MAPK8IP3: variants seen among roughly 807,000 people sequenced by gnomAD.
MAPK8IP3 encodes the protein C-Jun-amino-terminal kinase-interacting protein 3.
MAPK8IP3 carries 49 observed loss-of-function variants against 157.8 expected under a neutral mutation model. That is an observed-to-expected ratio of 0.31 (90% confidence interval 0.25 to 0.39). The LOEUF (loss-of-function observed/expected upper bound fraction) is 0.39, where lower values mean the gene tolerates loss of function less well. Ranked by LOEUF, MAPK8IP3 falls within the 10% of genes least tolerant of loss-of-function variation. The pLI is 1.00. For missense variants in MAPK8IP3, 1,478 were observed against 1,889.4 expected (o/e 0.78, Z 4.04); for synonymous variants, 897 against 777.7 (o/e 1.15, Z -2.55).
At position 1,768,606 on chromosome 16, in the gene MAPK8IP3, G is replaced by A; in HGVS notation, c.3872G>A (p.Gly1291Asp). The A allele has an allele frequency of 1.9e-6, 3 of 1,594,470 alleles. No homozygotes were observed. Among genetic ancestry groups the A allele is most frequent in the Non-Finnish European group, 2.6e-6 (3 of 1,170,492 alleles). Residue 1291 changes from glycine to aspartate, a missense_variant, in exon 31 of 32, where the codon GGC (glycine) becomes GAC (aspartate). By Grantham distance (94) the Gly-to-Asp change is moderately conservative. This residue lies in a region of MAPK8IP3 where 133 missense variants were observed against 133.4 expected (regional missense o/e 1.00). Coordinates refer to ENST00000610761, the MANE Select transcript of MAPK8IP3 (RefSeq NM_001318852.2). ...RNVLVLSGGEGYIDFRIGDGE... is the reference protein window; with the variant it reads ...RNVLVLSGGEDYIDFRIGDGE... ...GTGCTGGTGCTGAGCGGCGGGGAGG[G>A]CTACATCGACTTCCGCATTGGTGAG...
At chr16:1,728,710 G>A (rs2039075874) in intron 2 of MAPK8IP3, among the ~76,000 whole-genome samples, 1 of 144,626 alleles carries the variant, frequency 6.9e-6, no homozygotes, top group Non-Finnish European at 1.5e-5. Flanking sequence ...GGCCTTCACA[G>A]AGCTGAGTGT....
intron 4 of MAPK8IP3, among the ~76,000 whole-genome samples, chr16:1,740,938 C>T (rs1390917747): frequency 6.6e-6 from 1 of 152,206 alleles, no homozygotes; most frequent in African/African-American, 2.4e-5. Flanking sequence ...TGGGCAGCGC[C>T]GTCCAGGTCG....
At position 1,743,514 on chromosome 16, in the gene MAPK8IP3, T is replaced by C; in HGVS notation, c.747+38T>C. The stretch of plus-strand genomic sequence containing the variant: ...TGCCGTGGAGTGAGAGGCTCCTCCC[T>C]GTTGCTGGTGTTCCCCGTTCACTGG... On this transcript the variant is annotated intron_variant, in intron 5 of 31. Coordinates refer to ENST00000610761, the MANE Select transcript of MAPK8IP3 (RefSeq NM_001318852.2). The surrounding 1 kb of genome is among the most constrained non-coding windows in gnomAD (Gnocchi z 5.6). 1.2e-6 allele frequency: 2 copies of C among 1,600,830 alleles called. No individual in the cohort carries two copies. The highest frequency in any genetic ancestry group is 1.7e-4 in the Middle Eastern group (1 of 5,896).
intron 11 of MAPK8IP3, 74 bp downstream of exon 11, chr16:1,760,089 C>G (rs1005185851): frequency 1.3e-6 from 2 of 1,547,320 alleles, no homozygotes; most frequent in Admixed American, 3.4e-5. Flanking sequence ...TGAGCCGGGC[C>G]AGAGGGCGCC....
At chr16:1,733,737 C>T (rs1424137734) in intron 4 of MAPK8IP3, among the ~76,000 whole-genome samples, 1 of 152,262 alleles carries the variant, frequency 6.6e-6, no homozygotes, top group African/African-American at 2.4e-5. Flanking sequence ...TGCAGCTCTG[C>T]CACGGCTCCT....
intron 4 of MAPK8IP3, among the ~76,000 whole-genome samples, chr16:1,736,208 C>CGTCCGTGTAAG (rs2039791065): frequency 1.5e-5 from 1 of 65,134 alleles, no homozygotes; most frequent in Non-Finnish European, 2.9e-5. Context: ...GCATGTGTGA[C>CGTCCGTGTAAG]CATCCGTGTG....
In MAPK8IP3 at chr16:1,768,867, ACCACCTGACCCCCGC is replaced by A. The variant is rs1397235864; in HGVS notation, c.*46_*60del. On this transcript the variant is annotated 3_prime_UTR_variant, in exon 32 of 32. Transcript: ENST00000610761. ...GCCCGACCTGTACATAGGACCCCCG[ACCACCTGACCCCCGC>A]CCGGCCCGCGGGGTAGCCAGCCAGG... The A allele has an allele frequency of 5.6e-6, 9 of 1,599,070 alleles. No homozygotes were observed. The highest frequency in any genetic ancestry group is 7.7e-6 in the Non-Finnish European group (9 of 1,173,510).
chr16:1,716,232 T>G (rs1239684693), intron 1 of MAPK8IP3, among the ~76,000 whole-genome samples: 1 of 152,092 alleles, frequency 6.6e-6, no homozygotes, highest in Admixed American at 6.5e-5. Context: ...AAAGGAAGGA[T>G]GATATCATTC....
At chr16:1,728,843 A>G (rs2039089527) in intron 2 of MAPK8IP3, among the ~76,000 whole-genome samples, 1 of 139,260 alleles carries the variant, frequency 7.2e-6, no homozygotes, top group African/African-American at 2.8e-5. Context: ...GTGTTCTCCC[A>G]TGGCACAGCA....
Position 1,763,274 on chromosome 16 carries a change from C to T in MAPK8IP3, c.1898+268C>T, listed in dbSNP as rs988688737. Among the ~76,000 whole-genome samples, 218 of 152,386 alleles carry T rather than the reference C, an allele frequency of 1.4e-3. 1 individual carries two copies. The highest frequency in any genetic ancestry group is 1.6e-3 in the Non-Finnish European group (106 of 68,036). ...ACAGTCAGGGGGCTGTGCTGGGCTCCACGGTGGCCTCTGCAGCAAGGAGCC... is the reference window on the plus strand; with the variant it reads ...ACAGTCAGGGGGCTGTGCTGGGCTCTACGGTGGCCTCTGCAGCAAGGAGCC... On this transcript the variant is annotated intron_variant, in intron 16 of 31. Coordinates refer to ENST00000610761, the MANE Select transcript of MAPK8IP3 (RefSeq NM_001318852.2).
intron 8 of MAPK8IP3, among the ~76,000 whole-genome samples, chr16:1,757,652 G>C (rs1305612426): frequency 6.6e-6 from 1 of 152,160 alleles, no homozygotes; most frequent in Admixed American, 6.5e-5. Flanking sequence ...TGTGACTTCA[G>C]TCATCCTTCA....
At chr16:1,737,385 C>T (rs2040047915) in intron 4 of MAPK8IP3, among the ~76,000 whole-genome samples, 1 of 81,852 alleles carries the variant, frequency 1.2e-5, no homozygotes, top group African/African-American at 5.1e-5. Context: ...AGAGTGTGAC[C>T]ATCCATGTGA....
chr16:1,748,020 G>A (rs1243404038), intron 6 of MAPK8IP3, among the ~76,000 whole-genome samples: 1 of 152,216 alleles, frequency 6.6e-6, no homozygotes, highest in Non-Finnish European at 1.5e-5. Context: ...CCCATGCAGA[G>A]AGGCTGCTGC....
chr16:1,735,741 GACCGTCCA>G, intron 4 of MAPK8IP3, among the ~76,000 whole-genome samples: 1 of 146,536 alleles, frequency 6.8e-6, no homozygotes, highest in Admixed American at 6.7e-5. Context: ...GTGAGAGTGT[GACCGTCCA>G]TGTGAGCATC....
At chr16:1,735,304 G>T (rs774209633) in intron 4 of MAPK8IP3, among the ~76,000 whole-genome samples, 3 of 151,602 alleles carry the variant, frequency 2.0e-5, no homozygotes, top group Non-Finnish European at 2.9e-5. Context: ...CCATGTGACT[G>T]TCCGTGTTTC....
At chr16:1,764,971 C>G in intron 19 of MAPK8IP3, 42 bp from the exon 20 acceptor site, 1 of 1,574,790 alleles carries the variant, frequency 6.4e-7, no homozygotes, top group Non-Finnish European at 8.7e-7. Flanking sequence ...ACCGGGTAGC[C>G]TCAAGCTCGG....
intron 13 of MAPK8IP3, among the ~76,000 whole-genome samples, chr16:1,761,871 A>G (rs1277710081): frequency 5.3e-5 from 8 of 152,182 alleles, no homozygotes; most frequent in Non-Finnish European, 1.0e-4. Flanking sequence ...CACTCGGGGC[A>G]TGGGGATGCG....
intron 4 of MAPK8IP3, among the ~76,000 whole-genome samples, chr16:1,735,882 CTGTG>C (rs746484115): frequency 1.5e-4 from 19 of 128,878 alleles, no homozygotes; most frequent in Non-Finnish European, 2.7e-4. Context: ...CATGGAGCAT[CTGTG>C]TGACTGTCCA....
At chr16:1,759,917 T>C in intron 10 of MAPK8IP3, 41 bp from the exon 11 acceptor site, 1 of 1,588,878 alleles carries the variant, frequency 6.3e-7, no homozygotes, top group Non-Finnish European at 8.6e-7. Context: ...AGTGACCTGT[T>C]TTGAAGGGCA....
Sources: allele counts gnomAD v4.1 joint callset (sites outside exome capture counted in the v4.1 genomes callset), GRCh38; gene constraint gnomAD v4.1.1; regional missense constraint gnomAD v4.1.1; non-coding constraint Gnocchi (gnomAD v3.1); transcripts MANE v1.5; gene names NCBI Gene and HGNC (gene_info 2026-07-23, HGNC 2026-07-21).